MCC: variants seen among roughly 807,000 people sequenced by gnomAD.
MCC encodes the protein colorectal mutant cancer protein.
Under a neutral mutation model 116.2 loss-of-function variants are expected in MCC, and 90 were observed. That is an observed-to-expected ratio of 0.77 (90% CI 0.65 to 0.92). MCC has a LOEUF of 0.92. Ranked by LOEUF, MCC falls within the 40% of genes least tolerant of loss-of-function variation. The pLI, the probability that MCC is intolerant of heterozygous loss-of-function variation, is 0.00. For synonymous variants in MCC, 578 were observed against 510.5 expected (o/e 1.13, Z -1.78); for missense variants, 1,516 against 1,312.2 (o/e 1.16, Z -2.40).
At chr5:113,295,230 A>T (rs997440005) in intron 3 of MCC, among the ~76,000 whole-genome samples, 2 of 152,136 alleles carry the variant, frequency 1.3e-5, no homozygotes, top group Non-Finnish European at 2.9e-5. Flanking sequence ...GCCGCTTTCC[A>T]TGATTTAATA....
intron 3 of MCC, among the ~76,000 whole-genome samples, chr5:113,183,522 TC>T (rs1270192470): frequency 6.6e-6 from 1 of 151,400 alleles, no homozygotes; most frequent in South Asian, 2.1e-4. Context: ...CCCCCAAACA[TC>T]CCCCTCCCAA....
intron 3 of MCC, among the ~76,000 whole-genome samples, chr5:113,274,300 G>A (rs1378467684): frequency 6.6e-6 from 1 of 152,200 alleles, no homozygotes; most frequent in Non-Finnish European, 1.5e-5. Context: ...AGGAAAGGGG[G>A]AAACCAATAG....
At chr5:113,158,900 G>A (rs192010784) in intron 3 of MCC, among the ~76,000 whole-genome samples, 5 of 152,250 alleles carry the variant, frequency 3.3e-5, no homozygotes, top group African/African-American at 7.2e-5. Context: ...TCCCTTGCCC[G>A]AGGGATGCGT....
In MCC at chr5:113,073,853, G is replaced by A. The variant is rs186889738; in HGVS notation, c.1785-2619C>T. ...GGGACGGGCGTCCGCCACTGCTGAG[G>A]GTTGAGTAGGTAAACAAAGTGGCTG... On this transcript the variant is annotated intron_variant, in intron 11 of 18. Transcript: ENST00000408903. Among the ~76,000 whole-genome samples, 24 of 152,312 alleles carry A rather than the reference G, an allele frequency of 1.6e-4. No homozygotes were observed. The East Asian group carries it at 4.6e-3, about 29-fold the overall frequency.
chr5:113,143,595 A>C (rs114172348), intron 4 of MCC, among the ~76,000 whole-genome samples: 1,579 of 152,288 alleles, frequency 0.01, 28 homozygotes, highest in African/African-American at 0.036. Flanking sequence ...TCTCTTTGGG[A>C]AACAGTCCCT....
intron 1 of MCC, chr5:113,436,518 C>T (rs986047652): frequency 1.3e-5 from 2 of 152,188 alleles, no homozygotes; most frequent in African/African-American, 4.8e-5. Context: ...AGACTGACAA[C>T]AGACTCTGGC....
intron 3 of MCC, among the ~76,000 whole-genome samples, chr5:113,221,668 G>A (rs943481320): frequency 6.6e-6 from 1 of 152,206 alleles, no homozygotes; most frequent in Non-Finnish European, 1.5e-5. Context: ...GCACCACCCA[G>A]GTGGATACAC....
chr5:113,373,901 G>T (rs966693722), intron 2 of MCC, among the ~76,000 whole-genome samples: 4 of 138,318 alleles, frequency 2.9e-5, no homozygotes, highest in Admixed American at 8.0e-5. Flanking sequence ...GAGGTTTTTT[G>T]TTTTTGTTTT....
Position 113,033,417 on chromosome 5 carries a change from C to T in MCC, c.2757-4361G>A, listed in dbSNP as rs527677120. 2.0e-3 allele frequency among the ~76,000 whole-genome samples: 304 copies of T among 152,286 alleles called. 1 individual carries two copies. The highest frequency in any genetic ancestry group is 2.7e-3 in the Non-Finnish European group (186 of 68,026). On this transcript the variant is annotated intron_variant, in intron 17 of 18. Coordinates refer to ENST00000408903, the MANE Select transcript of MCC (RefSeq NM_001085377.2). ...CTACAGTTTTCCTCAGATTTTCAAA[C>T]GATGACATGGAAAATGCAAAGAAAC...
chr5:113,226,527 A>G (rs570919752), intron 3 of MCC, among the ~76,000 whole-genome samples: 9 of 152,252 alleles, frequency 5.9e-5, no homozygotes, highest in Non-Finnish European at 1.0e-4. Context: ...AAATTAAATT[A>G]TGTGTGTGTT....
intron 2 of MCC, among the ~76,000 whole-genome samples, chr5:113,350,649 C>G (rs182713984): frequency 5.3e-5 from 8 of 152,142 alleles, no homozygotes; most frequent in Admixed American, 4.6e-4. Context: ...AGTAATACCC[C>G]ACAAGCACAG....
chr5:113,246,878 C>T (rs1384933926), intron 3 of MCC, among the ~76,000 whole-genome samples: 1 of 152,136 alleles, frequency 6.6e-6, no homozygotes, highest in Non-Finnish European at 1.5e-5. Flanking sequence ...AGGTTTAGGA[C>T]CTGAGAAATA....
intron 5 of MCC, among the ~76,000 whole-genome samples, chr5:113,138,369 G>A (rs1478850962): frequency 1.3e-5 from 2 of 152,192 alleles, no homozygotes; most frequent in African/African-American, 4.8e-5. Flanking sequence ...TTGGAGACAG[G>A]GCCTTTGGGA....
chr5:113,339,060 A>C (rs1380004319), intron 3 of MCC, among the ~76,000 whole-genome samples: 1 of 33,488 alleles, frequency 3.0e-5, no homozygotes, highest in African/African-American at 4.1e-4. Flanking sequence ...TGTCTCTACT[A>C]AAAAAAAAAA....
intron 3 of MCC, among the ~76,000 whole-genome samples, chr5:113,257,130 T>C (rs973380157): frequency 1.3e-5 from 2 of 152,104 alleles, no homozygotes; most frequent in Non-Finnish European, 2.9e-5. Context: ...GTATTGAAAT[T>C]TGTAGGCAAC....
intron 1 of MCC, among the ~76,000 whole-genome samples, chr5:113,449,018 A>G (rs766237473): frequency 1.3e-5 from 2 of 152,226 alleles, no homozygotes; most frequent in Non-Finnish European, 2.9e-5. Context: ...CCAATTTACT[A>G]TTAACCTTCA....
At chr5:113,139,750 C>G (rs187033537) in intron 5 of MCC, among the ~76,000 whole-genome samples, 1 of 152,302 alleles carries the variant, frequency 6.6e-6, no homozygotes, top group East Asian at 1.9e-4. Context: ...AATCCCATTA[C>G]TGGGTATATA....
At chr5:113,484,643 A>C (rs1772465155) in intron 1 of MCC, among the ~76,000 whole-genome samples, 1 of 152,230 alleles carries the variant, frequency 6.6e-6, no homozygotes, top group Non-Finnish European at 1.5e-5. Flanking sequence ...ATTTTGATAT[A>C]GTGGTCAGGG....
intron 3 of MCC, among the ~76,000 whole-genome samples, chr5:113,180,679 C>T (rs528063647): frequency 2.6e-5 from 4 of 152,246 alleles, no homozygotes; most frequent in Non-Finnish European, 5.9e-5. Context: ...GAAGAGTATA[C>T]ATTTATGTAT....
Sources: allele counts gnomAD v4.1 joint callset (sites outside exome capture counted in the v4.1 genomes callset), GRCh38; gene constraint gnomAD v4.1.1; transcripts MANE v1.5; gene names NCBI Gene and HGNC (gene_info 2026-07-23, HGNC 2026-07-21).